Variants in BIRC6 observed in about 807,000 individuals in gnomAD.
BIRC6 encodes the protein dual E2 ubiquitin-conjugating enzyme/E3 ubiquitin-protein ligase BIRC6.
BIRC6 carries 98 observed loss-of-function variants against 503.3 expected under a neutral mutation model. That is an observed-to-expected ratio of 0.19 (90% CI 0.17 to 0.23). BIRC6 has a LOEUF of 0.23. Ranked by LOEUF, BIRC6 falls within the 10% of genes least tolerant of loss-of-function variation. BIRC6 has a pLI of 1.00. For missense variants in BIRC6, 5,360 were observed against 5,806.0 expected, an observed-to-expected ratio of 0.92 and a Z score of 2.50; for synonymous variants, 2,240 against 2,078.7, an observed-to-expected ratio of 1.08 and a Z score of -2.11.
intron 10 of BIRC6, among the ~76,000 whole-genome samples, chr2:32,428,321 A>T (rs555673807): frequency 6.6e-6 from 1 of 152,310 alleles, no homozygotes; most frequent in East Asian, 1.9e-4. Flanking sequence ...TCTGTGTTAA[A>T]TCCCTGGTGT....
At chr2:32,559,801 A>C (rs1007493441) in intron 65 of BIRC6, among the ~76,000 whole-genome samples, 1 of 151,760 alleles carries the variant, frequency 6.6e-6, no homozygotes, top group Admixed American at 6.6e-5. Context: ...CCGGTGGATC[A>C]CCTGAGTTCA....
At chr2:32,406,058 T>C (rs2041175550) in intron 8 of BIRC6, among the ~76,000 whole-genome samples, 1 of 152,196 alleles carries the variant, frequency 6.6e-6, no homozygotes, top group African/African-American at 2.4e-5. Flanking sequence ...TTTAAGCCTA[T>C]TTTAATTATA....
At chr2:32,557,966 G>A (rs1375778941) in intron 65 of BIRC6, 1 of 152,016 alleles carries the variant, frequency 6.6e-6, no homozygotes, top group Non-Finnish European at 1.5e-5. Context: ...GAAAATACTA[G>A]TAAATACTAG....
chr2:32,611,954 T>A (rs1255079075), intron 73 of BIRC6, among the ~76,000 whole-genome samples: 1 of 152,202 alleles, frequency 6.6e-6, no homozygotes. Flanking sequence ...TGACTCTCTG[T>A]AACCTTGAAC....
intron 70 of BIRC6, among the ~76,000 whole-genome samples, chr2:32,600,897 G>T (rs540352547): frequency 3.4e-4 from 51 of 152,120 alleles, no homozygotes; most frequent in Admixed American, 9.2e-4. Context: ...TCTAAAGCAG[G>T]GCTGTCCAAT....
intron 34 of BIRC6, among the ~76,000 whole-genome samples, chr2:32,476,827 T>C (rs1217558312): frequency 6.6e-6 from 1 of 152,186 alleles, no homozygotes; most frequent in African/African-American, 2.4e-5. Flanking sequence ...TCAAATGTAG[T>C]ATGTCTTTTG....
chr2:32,596,924 A>C (rs1181747087), intron 68 of BIRC6, among the ~76,000 whole-genome samples: 2 of 152,236 alleles, frequency 1.3e-5, no homozygotes, highest in Non-Finnish European at 2.9e-5. Context: ...GAAATTTAGA[A>C]TCATATGTCC....
Position 32,362,340 on chromosome 2 carries a change from G to A in BIRC6, c.325+4854G>A, listed in dbSNP as rs113312968. On this transcript the variant is annotated intron_variant, in intron 1 of 73. Coordinates refer to ENST00000421745, the MANE Select transcript of BIRC6 (RefSeq NM_016252.4). ...TTTGTTTTTTTTTTTTTTTGAGACA[G>A]AGTCTCGCTCTGTCGCCCAGGCTGG... is the stretch of plus-strand genomic sequence containing the variant. 6.7e-3 allele frequency among the ~76,000 whole-genome samples: 966 copies of A among 144,836 alleles called. 11 individuals are homozygous for A. Among genetic ancestry groups the A allele is most frequent in the Middle Eastern group, 0.018 (5 of 274 alleles).
chr2:32,467,401 T>C (rs2048673646), intron 26 of BIRC6, 124 bp from the exon 27 acceptor site: 1 of 771,236 alleles, frequency 1.3e-6, no homozygotes, highest in Admixed American at 2.9e-5. Context: ...TATTTACTTT[T>C]CCTCTTATTT....
rs1193449941 is a variant in BIRC6 at position 32,509,881 on chromosome 2, C to T, written c.10124C>T (p.Ser3375Leu). 6.2e-7 allele frequency: 1 copy of T among 1,614,000 alleles called. No individual in the cohort carries two copies. The highest frequency in any genetic ancestry group is 1.7e-5 in the Admixed American group (1 of 60,014). The stretch of plus-strand genomic sequence containing the variant: ...ATGTCACCTTACTGTGGAATGCATT[C>T]ACCCAACATCGAGGTTGTGCTTGTA... The part of the protein sequence containing the change: ...LLMSPYCGMH[S>L]PNIEVVLVKI... The change falls in exon 52 of 74, where the codon TCA (serine) becomes TTA (leucine). Residue 3375 changes from serine (S) to leucine (L), a missense_variant. Ser to Leu is a moderately radical substitution (Grantham distance 145). This residue lies in a region of BIRC6 where 878 missense variants were observed against 928.9 expected (regional missense o/e 0.95). Coordinates refer to ENST00000421745, the MANE Select transcript of BIRC6 (RefSeq NM_016252.4).
Position 32,597,979 on chromosome 2 carries a change from A to G in BIRC6, c.13830+11A>G. The G allele has an allele frequency of 3.1e-6, 5 of 1,597,738 alleles. No individual in the cohort carries two copies. Among genetic ancestry groups the G allele is most frequent in the Non-Finnish European group, 3.4e-6 (4 of 1,172,184 alleles). On this transcript the variant is annotated intron_variant, in intron 69 of 73. Coordinates refer to ENST00000421745, the MANE Select transcript of BIRC6 (RefSeq NM_016252.4). Reference sequence around the variant, plus strand: ...CTTGATATCATGAAGGTAAAAAATAATGATAATAAAGCACTCTCCCTTATC... The same window carrying G: ...CTTGATATCATGAAGGTAAAAAATAGTGATAATAAAGCACTCTCCCTTATC...
chr2:32,548,051 CTTTT>C, intron 64 of BIRC6, 37 bp downstream of exon 64: 1 of 1,483,284 alleles, frequency 6.7e-7, no homozygotes, highest in Non-Finnish European at 9.0e-7. Flanking sequence ...ATGATAATGG[CTTTT>C]TTTTTGTATT....
intron 3 of BIRC6, among the ~76,000 whole-genome samples, chr2:32,385,051 C>T (rs1485393359): frequency 6.6e-6 from 1 of 152,114 alleles, no homozygotes; most frequent in Admixed American, 6.5e-5. Context: ...TACTTCTAGC[C>T]AACTCTAAAT....
chr2:32,415,767 G>C lies in BIRC6; in HGVS notation c.2476G>C (p.Val826Leu), dbSNP rs761228935. ...GAGGAATGTTAGTGGTGGATATTTA[G>C]TGCTTTATAAAATGAATTATGCCAC... ...EQRNVSGGYLVLYKMNYATRI... is the reference protein window; with the variant it reads ...EQRNVSGGYLLLYKMNYATRI... The change falls in exon 10 of 74, where the codon GTG becomes CTG. Residue 826 changes from valine to leucine, a missense_variant. Physicochemically the swap from Val to Leu is conservative, Grantham distance 32 (BLOSUM62 1). This residue lies in a region of BIRC6 where 700 missense variants were observed against 739.3 expected (regional missense o/e 0.95). Transcript: ENST00000421745. 2.5e-6 allele frequency: 4 copies of C among 1,613,684 alleles called. No homozygotes were observed. In the South Asian group the frequency reaches 4.4e-5, roughly 18 times the overall value.
At chr2:32,446,393 G>T (rs1168802030) in intron 21 of BIRC6, among the ~76,000 whole-genome samples, 1 of 152,164 alleles carries the variant, frequency 6.6e-6, no homozygotes, top group Admixed American at 6.5e-5. Context: ...ATAGCAAAAG[G>T]TTAGATTTAA....
In BIRC6 at chr2:32,503,352, A is replaced by G. The variant is rs148512967; in HGVS notation, c.9499+116A>G. ...GTTATATATCACTATTTTAATTACA[A>G]ACAGTTTATTTTAGAGGTAGTGGAT... On this transcript the variant is annotated intron_variant, in intron 49 of 73. Coordinates refer to ENST00000421745, the MANE Select transcript of BIRC6 (RefSeq NM_016252.4). 875 of 844,256 alleles carry G rather than the reference A, an allele frequency of 1.0e-3. 12 individuals carry two copies. In the East Asian group the frequency reaches 0.021, roughly 20 times the overall value. 52.3% of individuals were successfully genotyped at this position (844,256 alleles called of 1,614,324 possible). A position where few individuals can be genotyped will look rare whatever the true frequency, so the allele number is the denominator to read the frequency against.
rs2048809658 is a variant in BIRC6, at chr2:32,468,661, G to A, written c.6005G>A (p.Arg2002Gln). ...QRLKVALGAS[R>Q]KMLSETSNPE... ...CTCAAAGTGGCGCTAGGTGCAAGCC[G>A]GAAGATGTTGAGTGAAACATCAAAT... The change falls in exon 29 of 74, where the codon CGG (arginine) becomes CAG (glutamine). Residue 2002 changes from arginine to glutamine, a missense_variant. Around this residue, in one of 16 missense-constraint regions of BIRC6, gnomAD observed 2,299 missense variants for 2,267.2 expected, o/e 1.01. Transcript: ENST00000421745. 3.1e-6 allele frequency: 5 copies of A among 1,613,934 alleles called. No individual in the cohort carries two copies. The highest frequency in any genetic ancestry group is 1.3e-5 in the African/African-American group (1 of 75,032).
chr2:32,605,391 A>G (rs139339711), intron 71 of BIRC6, among the ~76,000 whole-genome samples: 3 of 152,354 alleles, frequency 2.0e-5, no homozygotes, highest in African/African-American at 7.2e-5. Context: ...ATGAGGTTAA[A>G]TAAATAAAAG....
At chr2:32,583,489 C>T (rs539174164) in intron 66 of BIRC6, among the ~76,000 whole-genome samples, 18 of 152,280 alleles carry the variant, frequency 1.2e-4, no homozygotes, top group African/African-American at 4.1e-4. Context: ...AAGGCCATTT[C>T]TGAGATAGCA....
Sources: gnomAD v4.1 joint callset for allele counts (sites outside exome capture counted in the v4.1 genomes callset) on GRCh38, gnomAD v4.1.1 for gene constraint, gnomAD v4.1.1 regional missense constraint, MANE v1.5 for transcripts, NCBI Gene and HGNC (gene_info 2026-07-23, HGNC 2026-07-21) for gene names.